The following FAM13A variants were observed in gnomAD, a reference collection of about 807,000 sequenced individuals.
The protein encoded by FAM13A is protein FAM13A.
In FAM13A, 76 loss-of-function variants were observed where a neutral mutation model predicts 129.6. That is an observed-to-expected ratio of 0.59 (90% CI 0.49 to 0.71). The LOEUF (loss-of-function observed/expected upper bound fraction) is 0.71, where lower values mean the gene tolerates loss of function less well. Among genes scored for constraint, FAM13A ranks in the 30% least tolerant of loss-of-function variants. The probability of loss-of-function intolerance (pLI) is 0.00; values close to 1 mark genes in which losing one functional copy is unlikely to be tolerated. For synonymous variants in FAM13A, 443 were observed against 449.9 expected (o/e 0.98, Z 0.20); for missense variants, 1,108 against 1,249.3 (o/e 0.89, Z 1.70).
intron 6 of FAM13A, among the ~76,000 whole-genome samples, chr4:88,888,472 A>G (rs1383065072): frequency 2.0e-5 from 3 of 152,184 alleles, no homozygotes; most frequent in African/African-American, 7.2e-5. Flanking sequence ...GACTGAAAGC[A>G]AACAGATCAA....
intron 3 of FAM13A, among the ~76,000 whole-genome samples, chr4:88,991,555 A>T (rs12645240): frequency 6.6e-6 from 1 of 151,690 alleles, no homozygotes. Flanking sequence ...TAATGTTTTA[A>T]TCCCCAAATT....
chr4:89,015,146 C>A (rs1460807425), intron 3 of FAM13A, among the ~76,000 whole-genome samples: 1 of 152,146 alleles, frequency 6.6e-6, no homozygotes, highest in Non-Finnish European at 1.5e-5. Flanking sequence ...AAATTTTGGT[C>A]AGACTGGTTG....
intron 5 of FAM13A, among the ~76,000 whole-genome samples, chr4:88,926,224 T>C (rs1041001449): frequency 2.6e-5 from 4 of 152,076 alleles, no homozygotes; most frequent in Non-Finnish European, 5.9e-5. Context: ...GGGTAAGGCT[T>C]ACCCCCCATC....
chr4:88,884,882 T>C (rs947684230), intron 6 of FAM13A, among the ~76,000 whole-genome samples: 1 of 152,052 alleles, frequency 6.6e-6, no homozygotes, highest in Non-Finnish European at 1.5e-5. Context: ...AAGCAAGAAC[T>C]CAACCCCTTT....
At chr4:88,837,348 A>T (rs1013963229) in intron 7 of FAM13A, among the ~76,000 whole-genome samples, 2 of 152,116 alleles carry the variant, frequency 1.3e-5, no homozygotes, top group African/African-American at 4.8e-5. Flanking sequence ...TTTATTTTTC[A>T]GTTATATCTA....
At chr4:88,829,166 A>G (rs1733494741) in intron 7 of FAM13A, among the ~76,000 whole-genome samples, 1 of 152,220 alleles carries the variant, frequency 6.6e-6, no homozygotes, top group Admixed American at 6.5e-5. Context: ...TTGTTTTAAA[A>G]TCAGATAGGT....
intron 6 of FAM13A, 46 bp from the exon 7 acceptor site, chr4:88,851,229 T>C: frequency 6.8e-7 from 1 of 1,464,810 alleles, no homozygotes; most frequent in South Asian, 1.4e-5. Context: ...AGATAAATGT[T>C]AAAGTCTTTC....
chr4:88,863,718 T>C (rs1416561302), intron 6 of FAM13A, among the ~76,000 whole-genome samples: 1 of 152,194 alleles, frequency 6.6e-6, no homozygotes, highest in Non-Finnish European at 1.5e-5. Context: ...GGAGAATTGC[T>C]TGGTATGCAA....
chr4:88,856,147 A>G (rs1738447029), intron 6 of FAM13A: 1 of 152,182 alleles, frequency 6.6e-6, no homozygotes, highest in Admixed American at 6.6e-5. Context: ...CACCCTAAGC[A>G]CTGTTCAGTT....
intron 4 of FAM13A, among the ~76,000 whole-genome samples, chr4:88,988,223 C>A (rs1319849334): frequency 6.6e-6 from 1 of 152,030 alleles, no homozygotes; most frequent in Non-Finnish European, 1.5e-5. Context: ...ACAGTGTGGG[C>A]ACCCCTGCAC....
At chr4:88,998,177 G>A (rs1267880837) in intron 3 of FAM13A, among the ~76,000 whole-genome samples, 1 of 152,114 alleles carries the variant, frequency 6.6e-6, no homozygotes, top group Non-Finnish European at 1.5e-5. Context: ...GGAACCAGTT[G>A]AGCCCACACA....
chr4:88,766,203 G>C (rs1304898013), intron 13 of FAM13A, among the ~76,000 whole-genome samples: 2 of 152,216 alleles, frequency 1.3e-5, no homozygotes, highest in Admixed American at 6.5e-5. Flanking sequence ...TTAGATAGGA[G>C]AAGAGTAGGT....
intron 6 of FAM13A, among the ~76,000 whole-genome samples, chr4:88,887,707 AT>A (rs1744683174): frequency 6.6e-6 from 1 of 151,446 alleles, no homozygotes; most frequent in African/African-American, 2.4e-5. Context: ...ATTTTTTTGT[AT>A]TTTTAGTAGA....
chr4:88,737,478 C>T lies in FAM13A; in HGVS notation c.2640G>A (p.Glu880=). 1.9e-6 allele frequency: 3 copies of T among 1,613,800 alleles called. No homozygotes were observed. The highest frequency in any genetic ancestry group is 2.5e-6 in the Non-Finnish European group (3 of 1,179,706). Residue 880 remains glutamate, a synonymous_variant, in exon 21 of 24, where the codon GAG becomes GAA. Coordinates refer to ENST00000264344, the MANE Select transcript of FAM13A (RefSeq NM_014883.4). ...TAGCAGCTGGGGTCTTCACCTTTAT[C>T]TCCTTGAAGAAGGAAGCAGTTTCGC... ...IEGETASFFK[E]IKEEEEGSED... is the part of the protein sequence containing the mutation.
chr4:88,819,479 G>A (rs1441169390), intron 7 of FAM13A, among the ~76,000 whole-genome samples: 2 of 152,116 alleles, frequency 1.3e-5, no homozygotes, highest in Non-Finnish European at 2.9e-5. Context: ...TAGCCTGCTT[G>A]AGTCTTTCTA....
chr4:88,988,641 A>G lies in FAM13A; in HGVS notation c.605+2332T>C, dbSNP rs1762560916. On this transcript the variant is annotated intron_variant, in intron 4 of 23. Coordinates refer to ENST00000264344, the MANE Select transcript of FAM13A (RefSeq NM_014883.4). ...ATGACTGAAATTTTTCATATTATGAAAACAGGAGAAAAGCTTGAAAAAACC... is the reference window on the plus strand; with the variant it reads ...ATGACTGAAATTTTTCATATTATGAGAACAGGAGAAAAGCTTGAAAAAACC... Among the ~76,000 whole-genome samples the G allele has an allele frequency of 1.3e-5, 2 of 152,182 alleles. 1 individual carries two copies. Among genetic ancestry groups the G allele is most frequent in the South Asian group, 4.1e-4 (2 of 4,836 alleles).
intron 4 of FAM13A, chr4:88,990,099 G>C (rs1048875746): frequency 1.3e-5 from 2 of 152,070 alleles, no homozygotes; most frequent in African/African-American, 4.8e-5. Flanking sequence ...TTACAATCAG[G>C]ATAGTTATTA....
At chr4:88,786,327 T>G (rs1723960310) in intron 10 of FAM13A, among the ~76,000 whole-genome samples, 1 of 152,186 alleles carries the variant, frequency 6.6e-6, no homozygotes, top group Admixed American at 6.5e-5. Flanking sequence ...ACTGAGGATA[T>G]TTTTAAAATG....
chr4:88,785,093 A>G (rs777539371), intron 10 of FAM13A, among the ~76,000 whole-genome samples: 5 of 152,152 alleles, frequency 3.3e-5, no homozygotes, highest in Non-Finnish European at 2.9e-5. Context: ...CGACTTTAGT[A>G]TGACTTTACT....
Sources: allele counts gnomAD v4.1 joint callset (sites outside exome capture counted in the v4.1 genomes callset), GRCh38; gene constraint gnomAD v4.1.1; transcripts MANE v1.5; gene names NCBI Gene and HGNC (gene_info 2026-07-23, HGNC 2026-07-21).